Variants in HDAC7 observed in about 807,000 individuals in gnomAD.
HDAC7 encodes histone deacetylase 7.
HDAC7 carries 26 observed loss-of-function variants against 115.5 expected under a neutral mutation model. That is an observed-to-expected ratio of 0.23 (90% CI 0.16 to 0.31). The LOEUF (loss-of-function observed/expected upper bound fraction) is 0.31, where lower values mean the gene tolerates loss of function less well. HDAC7 is among the 10% of genes least tolerant of loss of function. HDAC7 has a pLI of 1.00. For synonymous variants in HDAC7, 564 were observed against 550.9 expected (o/e 1.02, Z -0.33); for missense variants, 1,068 against 1,329.0 (o/e 0.80, Z 3.05).
chr12:47,795,447 A>T lies in HDAC7; in HGVS notation c.1088-67T>A. On this transcript the variant is annotated intron_variant, in intron 10 of 25. Coordinates refer to ENST00000080059, the MANE Select transcript of HDAC7 (RefSeq NM_015401.5). The surrounding 1 kb of genome is among the most constrained non-coding windows in gnomAD (Gnocchi z 4.3). ...GAGCAATGGAAGGAAGCGAGGGTAT[A>T]GGGTGGGGGGCCAGGGTGCAGCAGG... 9.6e-7 allele frequency: 1 copy of T among 1,046,832 alleles called. No homozygotes were observed. The highest frequency in any genetic ancestry group is 1.3e-6 in the Non-Finnish European group (1 of 745,238). The allele number at this position is 1,046,832 out of a possible 1,614,324, so 64.8% of individuals were successfully genotyped here. A position where few individuals can be genotyped will look rare whatever the true frequency, so the allele number is the denominator to read the frequency against.
intron 21 of HDAC7, 29 bp downstream of exon 21, chr12:47,787,683 T>C: frequency 3.9e-6 from 6 of 1,530,038 alleles, no homozygotes; most frequent in Non-Finnish European, 5.4e-6. Context: ...GAGGGTGGAC[T>C]TGCCCCTCTG....
Position 47,783,009 on chromosome 12 carries a change from C to T in HDAC7, c.*832G>A, listed in dbSNP as rs7418. The T allele has an allele frequency of 0.81, 123,615 of 152,662 alleles. 50,467 individuals are homozygous for T. The highest frequency in any genetic ancestry group is 0.92 in the East Asian group (4,749 of 5,164). 9.5% of individuals were successfully genotyped at this position (152,662 alleles called of 1,614,324 possible). ...CACCCCTTCCCCCTCAGTCAGGCTA[C>T]TCCTATGTGGGGTGGGAATCAGAGC... On this transcript the variant is annotated 3_prime_UTR_variant, in exon 26 of 26. Transcript: ENST00000080059.
At chr12:47,790,015 G>A in intron 16 of HDAC7, 95 bp from the exon 17 acceptor site, 2 of 896,790 alleles carry the variant, frequency 2.2e-6, no homozygotes, top group Non-Finnish European at 3.6e-6. Flanking sequence ...CAGGACCCCA[G>A]GGGCAGGGAG....
At position 47,797,883 on chromosome 12, in the gene HDAC7, TGTGTGTGTGTGTGA is replaced by T. The variant is rs1943947327; in HGVS notation, c.461+211_461+224del. Among the ~76,000 whole-genome samples the T allele has an allele frequency of 6.7e-6, 1 of 149,232 alleles. No individual in the cohort carries two copies. The highest frequency in any genetic ancestry group is 2.1e-4 in the South Asian group (1 of 4,720). ...GTGTGTGTGTGTGTGTGTGTGTGTG[TGTGTGTGTGTGTGA>T]GAAGGGCTCAGGTGGGGTGGGGAGA... On this transcript the variant is annotated intron_variant, in intron 5 of 25. Coordinates refer to ENST00000080059, the MANE Select transcript of HDAC7 (RefSeq NM_015401.5). This position sits in a 1 kb window ranked among gnomAD's most constrained non-coding sequence, Gnocchi z 5.5.
At position 47,783,483 on chromosome 12, in the gene HDAC7, G is replaced by A. The variant is rs550721604; in HGVS notation, c.*358C>T. On this transcript the variant is annotated 3_prime_UTR_variant, in exon 26 of 26. Coordinates refer to ENST00000080059, the MANE Select transcript of HDAC7 (RefSeq NM_015401.5). Reference sequence around the variant, plus strand: ...CTGTGTGCAAAGTCTGGGGTTTGCAGAGCCAGGAATAGTGGTTAAGGGTGA... The same window carrying A: ...CTGTGTGCAAAGTCTGGGGTTTGCAAAGCCAGGAATAGTGGTTAAGGGTGA... The A allele has an allele frequency of 1.9e-4, 55 of 292,206 alleles. No homozygotes were observed. Among genetic ancestry groups the A allele is most frequent in the African/African-American group, 1.2e-3 (54 of 46,924 alleles). The allele number at this position is 292,206 out of a possible 1,614,324, so 18.1% of individuals were successfully genotyped here. A position where few individuals can be genotyped will look rare whatever the true frequency, so the allele number is the denominator to read the frequency against.
intron 1 of HDAC7, among the ~76,000 whole-genome samples, chr12:47,808,957 C>G (rs1438897001): frequency 2.6e-5 from 4 of 152,230 alleles, no homozygotes; most frequent in Non-Finnish European, 5.9e-5. Context: ...TAACTACCAT[C>G]TTTCCTATCA....
intron 2 of HDAC7, among the ~76,000 whole-genome samples, chr12:47,801,261 G>C (rs1351315205): frequency 6.6e-6 from 1 of 152,176 alleles, no homozygotes; most frequent in African/African-American, 2.4e-5. Context: ...TTGGTTTCAT[G>C]CTTTGTTTAT....
chr12:47,794,936 G>A lies in HDAC7; in HGVS notation c.1285-3C>T. On this transcript the variant is annotated splice_polypyrimidine_tract_variant and splice_region_variant and intron_variant, in intron 11 of 25. Transcript: ENST00000080059. Reference sequence around the variant, plus strand: ...TTCTCACTCGGCTTGGCTGACCTCTGGGGAGGGGAGAACCTGGCTGAGAAG... The same window carrying A: ...TTCTCACTCGGCTTGGCTGACCTCTAGGGAGGGGAGAACCTGGCTGAGAAG... 5.0e-6 allele frequency: 8 copies of A among 1,609,458 alleles called. No individual in the cohort carries two copies. Among genetic ancestry groups the A allele is most frequent in the Non-Finnish European group, 6.8e-6 (8 of 1,178,320 alleles).
Position 47,798,752 on chromosome 12 carries a change from G to A in HDAC7, c.258+33C>T. On this transcript the variant is annotated intron_variant, in intron 3 of 25. Transcript: ENST00000080059. The surrounding 1 kb of genome is among the most constrained non-coding windows in gnomAD (Gnocchi z 4.3). ...CGGGGAGGCTGGGGACCAAGCTCAAGGTGGCCCCACATGCAGGGAGCTCCA... is the reference window on the plus strand; with the variant it reads ...CGGGGAGGCTGGGGACCAAGCTCAAAGTGGCCCCACATGCAGGGAGCTCCA... 2.6e-6 allele frequency: 4 copies of A among 1,554,756 alleles called. No homozygotes were observed. The highest frequency in any genetic ancestry group is 3.5e-6 in the Non-Finnish European group (4 of 1,148,042).
chr12:47,795,748 G>A lies in HDAC7; in HGVS notation c.926C>T (p.Thr309Ile), dbSNP rs1039690673. The A allele has an allele frequency of 8.5e-6, 13 of 1,537,700 alleles. No homozygotes were observed. Among genetic ancestry groups the A allele is most frequent in the Non-Finnish European group, 9.7e-6 (11 of 1,139,858 alleles). The part of the protein sequence containing the change: ...APARADSDRR[T>I]HPTLGPRGPI... ...CCCCCGAGGGCCCAGAGTCGGATGGGTCCTGCGGTCACTGTCAGCCTGGGG... is the reference window on the plus strand; with the variant it reads ...CCCCCGAGGGCCCAGAGTCGGATGGATCCTGCGGTCACTGTCAGCCTGGGG... Residue 309 changes from threonine (T) to isoleucine (I), a missense_variant, in exon 10 of 26, where the codon ACC becomes ATC. Coordinates refer to ENST00000080059, the MANE Select transcript of HDAC7 (RefSeq NM_015401.5). This position sits in a 1 kb window ranked among gnomAD's most constrained non-coding sequence, Gnocchi z 4.3.
In HDAC7 at chr12:47,784,133, ACTT is replaced by A. The variant is rs769122679; in HGVS notation, c.2873_2875del (p.Glu958del). 58 of 1,613,572 alleles carry A rather than the reference ACTT, an allele frequency of 3.6e-5. No homozygotes were observed. Among genetic ancestry groups the A allele is most frequent in the East Asian group, 8.9e-5 (4 of 44,876 alleles). On this transcript the variant is annotated inframe_deletion, in exon 25 of 26. Transcript: ENST00000080059. Reference sequence around the variant, plus strand: ...GGACGCCAGTGCGGTCACTGCCTCCACTTCTTCTTTGTCAGCCCCTGGCACTCT... The same window carrying A: ...GGACGCCAGTGCGGTCACTGCCTCCACTTCTTTGTCAGCCCCTGGCACTCT...
chr12:47,789,193 CTA>C, intron 19 of HDAC7, 66 bp downstream of exon 19: 1 of 1,216,084 alleles, frequency 8.2e-7, no homozygotes, highest in Non-Finnish European at 1.2e-6. Flanking sequence ...AGCCGCATCT[CTA>C]ACATCAGGCT....
At chr12:47,801,345 T>A (rs1371244559) in intron 2 of HDAC7, among the ~76,000 whole-genome samples, 1 of 152,264 alleles carries the variant, frequency 6.6e-6, no homozygotes, top group East Asian at 1.9e-4. Flanking sequence ...AATAAATCAG[T>A]GTCTCTCCTA....
chr12:47,810,814 C>CTCTCTCTCTCTT (rs1944622093), intron 1 of HDAC7, among the ~76,000 whole-genome samples: 1 of 95,226 alleles, frequency 1.1e-5, no homozygotes. Context: ...GTCTCTCTCT[C>CTCTCTCTCTCTT]TCTCTCTCTC....
Position 47,819,780 on chromosome 12 carries a change from G to T in HDAC7, c.6C>A (p.His2Gln). The change falls in exon 1 of 26, where the codon CAC (histidine) becomes CAA (glutamine). Residue 2 changes from histidine to glutamine, a missense_variant. Physicochemically the swap from His to Gln is conservative, Grantham distance 24 (BLOSUM62 0). Coordinates refer to ENST00000080059, the MANE Select transcript of HDAC7 (RefSeq NM_015401.5). M[H>Q]SPGADGTQVS... ...CCCAGTACTCACCAGCGCCGGGGCT[G>T]TGCATCCAGGGGCCGGGGCCCTCAG... The T allele has an allele frequency of 3.9e-6, 3 of 767,092 alleles. No individual in the cohort carries two copies. The highest frequency in any genetic ancestry group is 4.9e-6 in the Non-Finnish European group (3 of 615,628). The allele number at this position is 767,092 out of a possible 1,614,324, so 47.5% of individuals were successfully genotyped here.
rs114641625 is a variant in HDAC7 at position 47,803,533 on chromosome 12, C to A, written c.20-1259G>T. Among the ~76,000 whole-genome samples the A allele has an allele frequency of 3.1e-3, 470 of 152,242 alleles. 5 individuals carry two copies. The highest frequency in any genetic ancestry group is 0.011 in the African/African-American group (462 of 41,528). ...GCTGCTCTACCTATTTAAATTCTGC[C>A]CATCCTCTGAGGTCCAGCCCAAGTC... On this transcript the variant is annotated intron_variant, in intron 1 of 25. Coordinates refer to ENST00000080059, the MANE Select transcript of HDAC7 (RefSeq NM_015401.5). This position sits in a 1 kb window ranked among gnomAD's most constrained non-coding sequence, Gnocchi z 4.0.
In HDAC7 at chr12:47,795,837, G is replaced by T. The variant is rs566647457; in HGVS notation, c.906+69C>A. The T allele has an allele frequency of 2.8e-4, 422 of 1,523,460 alleles. 2 individuals are homozygous for T. The African/African-American group carries it at 5.5e-3, about 20-fold the overall frequency. 94.4% of individuals were successfully genotyped at this position (1,523,460 alleles called of 1,614,324 possible). ...GAGAACAATGAAGATGATGGGGTGA[G>T]GCAGCAAGAAAAGGGAGTGAAAGAA... On this transcript the variant is annotated intron_variant, in intron 9 of 25. Transcript: ENST00000080059. The surrounding 1 kb of genome is among the most constrained non-coding windows in gnomAD (Gnocchi z 4.3).
intron 24 of HDAC7, chr12:47,785,082 A>G (rs1943094199): frequency 1.8e-6 from 1 of 552,156 alleles, no homozygotes; most frequent in Non-Finnish European, 3.2e-6. Flanking sequence ...TTTGGCAAAC[A>G]AGGCCTGAGT....
rs753183822 is a variant in HDAC7, at chr12:47,789,952, C to G, written c.1984-32G>C. On this transcript the variant is annotated intron_variant, in intron 16 of 25. Coordinates refer to ENST00000080059, the MANE Select transcript of HDAC7 (RefSeq NM_015401.5). ...GAGCCAGAGTCAGGGCCCGCATCAT[C>G]CAAGGCTTCACACAGGAGCCAGGGC... is the stretch of plus-strand genomic sequence containing the variant. The G allele has an allele frequency of 2.6e-6, 4 of 1,519,686 alleles. No individual in the cohort carries two copies. In the East Asian group the frequency reaches 9.0e-5, roughly 34 times the overall value. The allele number at this position is 1,519,686 out of a possible 1,614,324, so 94.1% of individuals were successfully genotyped here.
Sources: allele counts gnomAD v4.1 joint callset (sites outside exome capture counted in the v4.1 genomes callset), GRCh38; gene constraint gnomAD v4.1.1; non-coding constraint Gnocchi (gnomAD v3.1); transcripts MANE v1.5; gene names NCBI Gene and HGNC (gene_info 2026-07-23, HGNC 2026-07-21).